Variants in C18orf63 observed in about 807,000 individuals in gnomAD.
C18orf63 encodes the protein chromosome 18 open reading frame 63, also known as uncharacterized protein C18orf63.
In C18orf63, 50 loss-of-function variants were observed where a neutral mutation model predicts 75.3. The ratio of observed to expected loss-of-function variants is 0.66; its 90% CI spans 0.53 to 0.84. The LOEUF (loss-of-function observed/expected upper bound fraction) is 0.84, where lower values mean the gene tolerates loss of function less well. Among genes scored for constraint, C18orf63 ranks in the 40% least tolerant of loss-of-function variants. The probability of loss-of-function intolerance (pLI) is 0.00; values close to 1 mark genes in which losing one functional copy is unlikely to be tolerated. For missense variants in C18orf63, 732 were observed against 800.2 expected, an observed-to-expected ratio of 0.91 and a Z score of 1.03; for synonymous variants, 232 against 267.6, an observed-to-expected ratio of 0.87 and a Z score of 1.30.
At chr18:74,344,455 C>T (rs1472855195) in intron 11 of C18orf63, among the ~76,000 whole-genome samples, 4 of 148,358 alleles carry the variant, frequency 2.7e-5, no homozygotes, top group Non-Finnish European at 5.9e-5. Flanking sequence ...GAATATCAAA[C>T]GTCCATGTAA....
chr18:74,349,955 A>T (rs1984639043), intron 11 of C18orf63, among the ~76,000 whole-genome samples: 1 of 152,218 alleles, frequency 6.6e-6, no homozygotes, highest in South Asian at 2.1e-4. Context: ...AAAAGATGAA[A>T]TATAAATTTT....
rs146199969 is a variant in C18orf63, at chr18:74,355,359, AAT to A, written c.*33+814_*33+815del. 0.015 allele frequency among the ~76,000 whole-genome samples: 2,251 copies of A among 152,276 alleles called. 88 individuals are homozygous for A. The East Asian group carries it at 0.17, about 11-fold the overall frequency. On this transcript the variant is annotated intron_variant, in intron 13 of 13. Transcript: ENST00000579455. ...GCACTCAGTAGGTGACTGAGGGAAA[AAT>A]GCATGTGCCTTTAAGATGTTACTTG...
Position 74,331,573 on chromosome 18 carries a change from A to G in C18orf63, c.501+631A>G, listed in dbSNP as rs757791481. Among the ~76,000 whole-genome samples, 199 of 152,294 alleles carry G rather than the reference A, an allele frequency of 1.3e-3. 2 individuals carry two copies. The Middle Eastern group carries it at 0.017, about 13-fold the overall frequency. ...GTCTAGAGACAATTTTGGTTATCAC[A>G]GTGGAGGAAGGATGGTGTTGCTACT... On this transcript the variant is annotated intron_variant, in intron 7 of 13. Transcript: ENST00000579455.
In C18orf63 at chr18:74,316,227, A is replaced by G. The variant is rs969242589; in HGVS notation, c.-33+118A>G. On this transcript the variant is annotated intron_variant, in intron 1 of 13. Coordinates refer to ENST00000579455, the MANE Select transcript of C18orf63 (RefSeq NM_001174123.2). ...CCTGAGGACGTTGGTTTGGGTCAGG[A>G]AAAAAATGTATTCATCTGCAAAGAC... 3.9e-5 allele frequency: 6 copies of G among 152,172 alleles called. No homozygotes were observed. The East Asian group carries it at 9.7e-4, about 25-fold the overall frequency. The allele number at this position is 152,172 out of a possible 1,614,324, so 9.4% of individuals were successfully genotyped here.
At chr18:74,339,398 A>G (rs1984443074) in intron 8 of C18orf63, among the ~76,000 whole-genome samples, 1 of 152,142 alleles carries the variant, frequency 6.6e-6, no homozygotes, top group Non-Finnish European at 1.5e-5. Context: ...TTTGGGTGGA[A>G]AAATTTATTA....
At position 74,329,037 on chromosome 18, in the gene C18orf63, G is replaced by A. The variant is rs1198779542; in HGVS notation, c.424+1G>A. On this transcript the variant is annotated splice_donor_variant, in intron 6 of 13. Transcript: ENST00000579455. LOFTEE classifies it high-confidence loss of function. The stretch of plus-strand genomic sequence containing the variant: ...CAGATGGGAAAACAAAGTGCTGTTG[G>A]TAAGTAAAAATGCATAAGTCAATAG... 1 of 1,497,298 alleles carries A rather than the reference G, an allele frequency of 6.7e-7. No homozygotes were observed. 92.8% of individuals were successfully genotyped at this position (1,497,298 alleles called of 1,614,324 possible). A position where few individuals can be genotyped will look rare whatever the true frequency, so the allele number is the denominator to read the frequency against.
At chr18:74,348,196 C>T (rs1270179248) in intron 11 of C18orf63, among the ~76,000 whole-genome samples, 2 of 152,168 alleles carry the variant, frequency 1.3e-5, no homozygotes, top group Admixed American at 6.5e-5. Flanking sequence ...CTCAAACTCT[C>T]TCCCCTTTTA....
chr18:74,347,193 G>A (rs559601744), intron 11 of C18orf63, among the ~76,000 whole-genome samples: 30 of 152,276 alleles, frequency 2.0e-4, no homozygotes, highest in African/African-American at 6.7e-4. Context: ...AAAACTTGTC[G>A]CAGATTCGGT....
chr18:74,352,882 A>T (rs1482964830), intron 11 of C18orf63, among the ~76,000 whole-genome samples: 17 of 152,172 alleles, frequency 1.1e-4, no homozygotes, highest in Non-Finnish European at 2.4e-4. Context: ...TGGGTGGGAG[A>T]AGGTGGGACT....
rs557365481 is a variant in C18orf63 at position 74,317,296 on chromosome 18, A to G, written c.-32-538A>G. The stretch of plus-strand genomic sequence containing the variant: ...CAAAGGTATACCTTATGAATTATCA[A>G]CTGTAAACTGTGCCTCCAATAGAAT... On this transcript the variant is annotated intron_variant, in intron 1 of 13. Coordinates refer to ENST00000579455, the MANE Select transcript of C18orf63 (RefSeq NM_001174123.2). Among the ~76,000 whole-genome samples, 19 of 152,322 alleles carry G rather than the reference A, an allele frequency of 1.2e-4. No homozygotes were observed. In the South Asian group the frequency reaches 2.7e-3, roughly 22 times the overall value.
intron 11 of C18orf63, among the ~76,000 whole-genome samples, chr18:74,345,078 A>C (rs1000948252): frequency 5.3e-5 from 8 of 152,102 alleles, no homozygotes; most frequent in African/African-American, 1.7e-4. Flanking sequence ...CTTGAATTTC[A>C]GCCCTTCTGA....
At chr18:74,316,557 G>A (rs183719685) in intron 1 of C18orf63, among the ~76,000 whole-genome samples, 94 of 152,318 alleles carry the variant, frequency 6.2e-4, no homozygotes, top group Non-Finnish European at 6.2e-4. Flanking sequence ...GTCCTTTGGG[G>A]TTCTCTGAGT....
chr18:74,339,701 T>C (rs1461265130), intron 8 of C18orf63, among the ~76,000 whole-genome samples: 1 of 152,134 alleles, frequency 6.6e-6, no homozygotes, highest in East Asian at 1.9e-4. Flanking sequence ...AGAAGTTAAA[T>C]TGTTGCTGTA....
intron 4 of C18orf63, among the ~76,000 whole-genome samples, chr18:74,325,136 G>A (rs1041711046): frequency 1.3e-5 from 2 of 152,078 alleles, no homozygotes; most frequent in African/African-American, 4.8e-5. Context: ...TGGAAGCTGA[G>A]GTCATTGATT....
intron 7 of C18orf63, among the ~76,000 whole-genome samples, chr18:74,331,608 T>C (rs1384014230): frequency 6.6e-6 from 1 of 152,170 alleles, no homozygotes; most frequent in African/African-American, 2.4e-5. Context: ...TGACATCTAG[T>C]GGGTAGAGGC....
At chr18:74,349,671 C>G (rs897995797) in intron 11 of C18orf63, among the ~76,000 whole-genome samples, 1 of 152,070 alleles carries the variant, frequency 6.6e-6, no homozygotes, top group Admixed American at 6.5e-5. Context: ...AAAACCATCC[C>G]CCCCACCACC....
chr18:74,341,845 A>C (rs1246319173), intron 8 of C18orf63, among the ~76,000 whole-genome samples, 187 bp from the exon 9 acceptor site: 1 of 145,348 alleles, frequency 6.9e-6, no homozygotes, highest in African/African-American at 2.6e-5. Context: ...TACTATTTTT[A>C]TTTGTCAATT....
intron 7 of C18orf63, among the ~76,000 whole-genome samples, chr18:74,337,499 C>G (rs562758149): frequency 6.6e-6 from 1 of 152,062 alleles, no homozygotes; most frequent in Admixed American, 6.6e-5. Context: ...TGATACCTAC[C>G]TTCTGTGAAT....
chr18:74,330,897 TTGTC>T lies in C18orf63; in HGVS notation c.458_461del (p.Cys153Ter). 1 of 1,475,922 alleles carries T rather than the reference TTGTC, an allele frequency of 6.8e-7. No individual in the cohort carries two copies. Among genetic ancestry groups the T allele is most frequent in the Non-Finnish European group, 9.0e-7 (1 of 1,106,944 alleles). The allele number at this position is 1,475,922 out of a possible 1,614,324, so 91.4% of individuals were successfully genotyped here. A position where few individuals can be genotyped will look rare whatever the true frequency, so the allele number is the denominator to read the frequency against. On this transcript the variant is annotated frameshift_variant, in exon 7 of 14. Transcript: ENST00000579455. LOFTEE classifies it high-confidence loss of function. ...ACATCAATGTAACAGAAACTCAAGT[TTGTC>T]TAAGTATAGAAGCTTGCACAATCAG...
Sources: gnomAD v4.1 joint callset for allele counts (sites outside exome capture counted in the v4.1 genomes callset) on GRCh38, gnomAD v4.1.1 for gene constraint, MANE v1.5 for transcripts, NCBI Gene and HGNC (gene_info 2026-07-23, HGNC 2026-07-21) for gene names.